The following INPP5A variants were observed in gnomAD, a reference collection of about 807,000 sequenced individuals.
The protein encoded by INPP5A is 43 kDa inositol polyphosphate 5-phophatase.
In INPP5A, 14 loss-of-function variants were observed where a neutral mutation model predicts 65.2. The observed-to-expected ratio is 0.21, with a 90% CI of 0.14 to 0.34. The LOEUF (loss-of-function observed/expected upper bound fraction) is 0.34. Among genes scored for constraint, INPP5A ranks in the 10% least tolerant of loss-of-function variants. The pLI is 1.00. For synonymous variants in INPP5A, 207 were observed against 208.3 expected, an observed-to-expected ratio of 0.99 and a Z score of 0.05; for missense variants, 431 against 545.6, an observed-to-expected ratio of 0.79 and a Z score of 2.09.
At position 132,782,074 on chromosome 10, in the gene INPP5A, G is replaced by GCCTC; in HGVS notation, c.*49_*52dup. 2 of 1,552,910 alleles carry GCCTC rather than the reference G, an allele frequency of 1.3e-6. No homozygotes were observed. Among genetic ancestry groups the GCCTC allele is most frequent in the Non-Finnish European group, 1.7e-6 (2 of 1,145,696 alleles). On this transcript the variant is annotated 3_prime_UTR_variant, in exon 16 of 16. Coordinates refer to ENST00000368594, the MANE Select transcript of INPP5A (RefSeq NM_005539.5). The surrounding 1 kb of genome is among the most constrained non-coding windows in gnomAD (Gnocchi z 4.4). Reference sequence around the variant, plus strand: ...AGCGCCACGAGAGGACACTTCGTGAGCCTCCCTGTAGCCGTGGACCGAATA... The same window carrying GCCTC: ...AGCGCCACGAGAGGACACTTCGTGAGCCTCCCTCCCTGTAGCCGTGGACCGAATA...
At position 132,753,314 on chromosome 10, in the gene INPP5A, C is replaced by T. The variant is rs141118496; in HGVS notation, c.903+3469C>T. Among the ~76,000 whole-genome samples the T allele has an allele frequency of 5.0e-3, 762 of 152,274 alleles. 6 individuals are homozygous for T. The highest frequency in any genetic ancestry group is 0.021 in the South Asian group (99 of 4,824). On this transcript the variant is annotated intron_variant, in intron 11 of 15. Coordinates refer to ENST00000368594, the MANE Select transcript of INPP5A (RefSeq NM_005539.5). The surrounding 1 kb of genome is among the most constrained non-coding windows in gnomAD (Gnocchi z 5.3). ...TCCGGTTAAACACACAGCACCGCAG[C>T]CATGGAGAGCAAACTCTCCGTCCGC...
intron 8 of INPP5A, among the ~76,000 whole-genome samples, chr10:132,715,698 G>A (rs967852616): frequency 1.7e-4 from 26 of 152,218 alleles, no homozygotes; most frequent in Non-Finnish European, 3.2e-4. Context: ...AGGCAAACTC[G>A]GCATTAAAGA....
chr10:132,691,484 G>A (rs949817577), intron 5 of INPP5A, among the ~76,000 whole-genome samples: 1 of 152,270 alleles, frequency 6.6e-6, no homozygotes, highest in Non-Finnish European at 1.5e-5. Flanking sequence ...GCTGCAGGAA[G>A]CTGGAGCCAA....
intron 11 of INPP5A, among the ~76,000 whole-genome samples, chr10:132,750,826 C>T (rs1268803637): frequency 6.6e-6 from 1 of 152,216 alleles, no homozygotes; most frequent in Non-Finnish European, 1.5e-5. Context: ...CAGGTGGCCC[C>T]TGTCCTCAGG....
intron 1 of INPP5A, among the ~76,000 whole-genome samples, chr10:132,590,003 G>A (rs1331513692): frequency 6.6e-6 from 1 of 152,246 alleles, no homozygotes; most frequent in Non-Finnish European, 1.5e-5. Context: ...GCCCCTCGAC[G>A]AGACCCATGG....
chr10:132,566,147 T>G (rs1384274702), intron 1 of INPP5A, among the ~76,000 whole-genome samples: 1 of 152,204 alleles, frequency 6.6e-6, no homozygotes, highest in East Asian at 1.9e-4. Context: ...TCAACGATGT[T>G]CAAATACTTT....
intron 9 of INPP5A, among the ~76,000 whole-genome samples, chr10:132,742,363 G>A (rs1028786442): frequency 2.6e-5 from 4 of 152,228 alleles, no homozygotes; most frequent in Non-Finnish European, 4.4e-5. Context: ...GCGACACCAC[G>A]CCTTGTCCTG....
intron 6 of INPP5A, among the ~76,000 whole-genome samples, chr10:132,701,421 G>C (rs1331335669): frequency 6.6e-6 from 1 of 152,246 alleles, no homozygotes; most frequent in African/African-American, 2.4e-5. Flanking sequence ...CCGGTGACCA[G>C]AAAGTTCCCG....
Position 132,671,839 on chromosome 10 carries a change from T to C in INPP5A, c.307-18553T>C, listed in dbSNP as rs563384449. 2.0e-5 allele frequency among the ~76,000 whole-genome samples: 3 copies of C among 152,214 alleles called. No individual in the cohort carries two copies. The South Asian group carries it at 6.2e-4, about 32-fold the overall frequency. ...TCAGGGACCAACCAGAAGAGGCCAA[T>C]GTGGGATTTGAACTTGGTTCTGGCC... On this transcript the variant is annotated intron_variant, in intron 4 of 15. Transcript: ENST00000368594.
chr10:132,709,854 A>G (rs570455948), intron 7 of INPP5A, among the ~76,000 whole-genome samples: 50 of 152,328 alleles, frequency 3.3e-4, no homozygotes, highest in African/African-American at 1.2e-3. Context: ...TGCCGAGTCC[A>G]TGTGCCTGCA....
chr10:132,779,051 GGGGCCTGGGCTGGAGGCGGGGCCCCTT>G (rs1280931420), intron 13 of INPP5A, among the ~76,000 whole-genome samples: 1 of 152,256 alleles, frequency 6.6e-6, no homozygotes, highest in African/African-American at 2.4e-5. Flanking sequence ...CTGCCTGGTG[GGGGCCTGGGCTGGAGGCGGGGCCCCTT>G]GGCCAGAAGT....
At chr10:132,571,279 A>G (rs2071339188) in intron 1 of INPP5A, among the ~76,000 whole-genome samples, 1 of 152,268 alleles carries the variant, frequency 6.6e-6, no homozygotes, top group Non-Finnish European at 1.5e-5. Context: ...CCTGCCGAGC[A>G]GAGGAGGAGG....
Position 132,710,400 on chromosome 10 carries a change from A to C in INPP5A, c.591A>C (p.Thr197=), listed in dbSNP as rs1396903061. The change falls in exon 8 of 16, where the codon ACA becomes ACC. Residue 197 remains threonine, a synonymous_variant. Transcript: ENST00000368594. ...HDASNLVAWE[T]SPSVYSGIRH... is the part of the protein sequence containing the mutation. Reference sequence around the variant, plus strand: ...CTTCCAATCTGGTCGCCTGGGAAACAAGCCCTTCCGTGTACTCGGGAATCC... The same window carrying C: ...CTTCCAATCTGGTCGCCTGGGAAACCAGCCCTTCCGTGTACTCGGGAATCC... 6.2e-7 allele frequency: 1 copy of C among 1,614,168 alleles called. No individual in the cohort carries two copies. Among genetic ancestry groups the C allele is most frequent in the Admixed American group, 1.7e-5 (1 of 60,030 alleles).
chr10:132,624,585 CCTGTCTT>C (rs1460959658), intron 2 of INPP5A, among the ~76,000 whole-genome samples: 1 of 152,232 alleles, frequency 6.6e-6, no homozygotes, highest in Non-Finnish European at 1.5e-5. Flanking sequence ...TTTGGCAGCT[CCTGTCTT>C]CTGTGCGGTT....
At chr10:132,628,463 CGGGGGGGGG>C (rs55668291) in intron 2 of INPP5A, among the ~76,000 whole-genome samples, 1 of 23,294 alleles carries the variant, frequency 4.3e-5, no homozygotes, top group Non-Finnish European at 9.9e-5. Flanking sequence ...GCTCTGGTGG[CGGGGGGGGG>C]GGGGGGCGTG....
intron 11 of INPP5A, among the ~76,000 whole-genome samples, chr10:132,764,660 TGC>T (rs1846801840): frequency 8.8e-6 from 1 of 113,126 alleles, no homozygotes; most frequent in African/African-American, 3.6e-5. Context: ...TGGGAGGGTG[TGC>T]GTGGTGACAC....
At chr10:132,689,647 G>A (rs1845222628) in intron 4 of INPP5A, among the ~76,000 whole-genome samples, 1 of 152,202 alleles carries the variant, frequency 6.6e-6, no homozygotes, top group Non-Finnish European at 1.5e-5. Flanking sequence ...TAATACACAT[G>A]TCAGTACGAA....
chr10:132,634,937 G>A (rs931610134), intron 2 of INPP5A, among the ~76,000 whole-genome samples: 9 of 152,206 alleles, frequency 5.9e-5, no homozygotes, highest in African/African-American at 2.2e-4. Context: ...CTTACAGGCA[G>A]TGTGTCCTTC....
intron 8 of INPP5A, among the ~76,000 whole-genome samples, chr10:132,720,651 G>A (rs1181374125): frequency 6.7e-6 from 1 of 148,612 alleles, no homozygotes; most frequent in Non-Finnish European, 1.5e-5. Flanking sequence ...ACCTTAGACG[G>A]CTGTCTTCAG....
Sources: allele counts gnomAD v4.1 joint callset (sites outside exome capture counted in the v4.1 genomes callset), GRCh38; gene constraint gnomAD v4.1.1; non-coding constraint Gnocchi (gnomAD v3.1); transcripts MANE v1.5; gene names NCBI Gene and HGNC (gene_info 2026-07-23, HGNC 2026-07-21).